Variants in CFAP58 observed in about 807,000 individuals in gnomAD.
CFAP58 encodes cilia and flagella associated protein 58, also known as cilia- and flagella-associated protein 58.
In CFAP58, 88 loss-of-function variants were observed where a neutral mutation model predicts 119.5. That is an observed-to-expected ratio of 0.74 (90% confidence interval 0.62 to 0.88). CFAP58 has a LOEUF of 0.88. Ranked by LOEUF, CFAP58 falls within the 40% of genes least tolerant of loss-of-function variation. The pLI, the probability that CFAP58 is intolerant of heterozygous loss-of-function variation, is 0.00. For missense variants in CFAP58, 990 were observed against 1,021.2 expected, an observed-to-expected ratio of 0.97 and a Z score of 0.42; for synonymous variants, 365 against 366.3, an observed-to-expected ratio of 1.00 and a Z score of 0.04.
At chr10:104,385,899 A>G (rs896580578) in intron 9 of CFAP58, among the ~76,000 whole-genome samples, 4 of 152,204 alleles carry the variant, frequency 2.6e-5, no homozygotes, top group Non-Finnish European at 5.9e-5. Context: ...AATAATGAAG[A>G]AAAATTCTCT....
At chr10:104,374,846 CA>C (rs56074829) in intron 7 of CFAP58, among the ~76,000 whole-genome samples, 29,012 of 101,336 alleles carry the variant, frequency 0.29, 2,906 homozygotes, top group Middle Eastern at 0.39. Flanking sequence ...CTTATAACTG[CA>C]AAAAAAAAAA....
chr10:104,378,400 ACATTTAATAGG>A (rs2011712692), intron 8 of CFAP58, among the ~76,000 whole-genome samples: 1 of 152,222 alleles, frequency 6.6e-6, no homozygotes, highest in South Asian at 2.1e-4. Flanking sequence ...CACCCAACCA[ACATTTAATAGG>A]CCTTTTACCT....
intron 15 of CFAP58, among the ~76,000 whole-genome samples, chr10:104,415,912 A>G (rs139614282): frequency 1.6e-3 from 246 of 152,304 alleles, no homozygotes; most frequent in African/African-American, 5.1e-3. Context: ...TGTTCTAATG[A>G]CAGCCATCCT....
intron 15 of CFAP58, among the ~76,000 whole-genome samples, chr10:104,426,660 CT>C (rs1417432785): frequency 6.6e-6 from 1 of 152,182 alleles, no homozygotes; most frequent in East Asian, 1.9e-4. Flanking sequence ...CCATTTCACT[CT>C]TCCAGATTGT....
chr10:104,393,529 C>T lies in CFAP58; in HGVS notation c.1674+54C>T, dbSNP rs911588413. 2.5e-5 allele frequency: 39 copies of T among 1,541,456 alleles called. No homozygotes were observed. In the Admixed American group the frequency reaches 2.6e-4, roughly 10 times the overall value. On this transcript the variant is annotated intron_variant, in intron 11 of 17. Transcript: ENST00000369704. ...CCAACAGTTCATCAGCCCGCTCAGG[C>T]GGCCTCCAGTCTCACTGAAGGCAGC... is the stretch of plus-strand genomic sequence containing the variant.
chr10:104,432,183 C>T (rs2012858161), intron 15 of CFAP58, among the ~76,000 whole-genome samples: 1 of 151,798 alleles, frequency 6.6e-6, no homozygotes, highest in Non-Finnish European at 1.5e-5. Flanking sequence ...TAGTAAAAAG[C>T]ATTTCAAAGG....
chr10:104,406,608 G>A, intron 14 of CFAP58, 81 bp from the exon 15 acceptor site: 1 of 1,095,434 alleles, frequency 9.1e-7, no homozygotes, highest in South Asian at 1.3e-5. Flanking sequence ...ATTTTAATAA[G>A]ACAATGTGCA....
At chr10:104,339,125 C>T in the CFAP58 span, among the ~76,000 whole-genome samples, 1 of 152,144 alleles carries the variant, frequency 6.6e-6, no homozygotes, top group African/African-American at 2.4e-5. Context: ...TCAGGCTGGT[C>T]TCGAACTCCC....
Position 104,405,014 on chromosome 10 carries a change from T to G in CFAP58, c.2151+1174T>G, listed in dbSNP as rs761289791. Among the ~76,000 whole-genome samples, 70 of 152,192 alleles carry G rather than the reference T, an allele frequency of 4.6e-4. 1 individual carries two copies. The highest frequency in any genetic ancestry group is 1.3e-4 in the Admixed American group (2 of 15,292). On this transcript the variant is annotated intron_variant, in intron 14 of 17. Coordinates refer to ENST00000369704, the MANE Select transcript of CFAP58 (RefSeq NM_001008723.2). ...CCTTTATTTTTGTTTTTACTTTTTA[T>G]TTTTTCCTTATAAGAAAGAAAATCA...
At chr10:104,448,880 G>A (rs1461411482) in intron 16 of CFAP58, among the ~76,000 whole-genome samples, 3 of 152,226 alleles carry the variant, frequency 2.0e-5, no homozygotes, top group Non-Finnish European at 4.4e-5. Context: ...TTTCTCAGAG[G>A]TAGATATAGA....
At chr10:104,425,697 C>A (rs910204449) in intron 15 of CFAP58, among the ~76,000 whole-genome samples, 4 of 152,162 alleles carry the variant, frequency 2.6e-5, no homozygotes, top group Non-Finnish European at 2.9e-5. Context: ...CCCGTGCAGT[C>A]TGTGGTGAGA....
At chr10:104,445,146 G>A (rs1218080513) in intron 15 of CFAP58, among the ~76,000 whole-genome samples, 4 of 151,596 alleles carry the variant, frequency 2.6e-5, no homozygotes, top group African/African-American at 9.7e-5. Flanking sequence ...AACATAGCGA[G>A]ACCCCGCCTC....
chr10:104,363,302 A>G (rs2014697167), intron 3 of CFAP58, among the ~76,000 whole-genome samples: 1 of 152,202 alleles, frequency 6.6e-6, no homozygotes, highest in African/African-American at 2.4e-5. Context: ...CATGCAAAAC[A>G]TGGCATCAAC....
At chr10:104,344,082 C>T in the CFAP58 span, among the ~76,000 whole-genome samples, 1 of 152,224 alleles carries the variant, frequency 6.6e-6, no homozygotes. Context: ...ACTCACATCT[C>T]TGTTTTGAAA....
intron 10 of CFAP58, 52 bp from the exon 11 acceptor site, chr10:104,393,277 G>C: frequency 6.5e-7 from 1 of 1,537,902 alleles, no homozygotes; most frequent in Non-Finnish European, 8.9e-7. Context: ...AACTTCCATA[G>C]GGACGATGAT....
chr10:104,364,936 G>A, intron 4 of CFAP58, 47 bp downstream of exon 4: 2 of 1,585,536 alleles, frequency 1.3e-6, no homozygotes, highest in Non-Finnish European at 1.7e-6. Flanking sequence ...TCCAGAGGAT[G>A]TTTGTCCCTC....
At chr10:104,389,611 A>C (rs2011993054) in intron 9 of CFAP58, among the ~76,000 whole-genome samples, 1 of 152,178 alleles carries the variant, frequency 6.6e-6, no homozygotes, top group Non-Finnish European at 1.5e-5. Context: ...TTTACTGGTT[A>C]TATCCATTCC....
At chr10:104,442,103 T>G (rs2013045262) in intron 15 of CFAP58, among the ~76,000 whole-genome samples, 1 of 152,150 alleles carries the variant, frequency 6.6e-6, no homozygotes, top group African/African-American at 2.4e-5. Flanking sequence ...TAAATGTAAC[T>G]TTTGTCTTTT....
chr10:104,385,381 A>G (rs1475073897), intron 9 of CFAP58, among the ~76,000 whole-genome samples: 1 of 152,216 alleles, frequency 6.6e-6, no homozygotes, highest in Non-Finnish European at 1.5e-5. Flanking sequence ...CGTTACTGCT[A>G]GGAGAAAGCA....
Sources: gnomAD v4.1 joint callset for allele counts (sites outside exome capture counted in the v4.1 genomes callset) on GRCh38, gnomAD v4.1.1 for gene constraint, MANE v1.5 for transcripts, NCBI Gene and HGNC (gene_info 2026-07-23, HGNC 2026-07-21) for gene names.